The following MACROD2 variants were observed in gnomAD, a reference collection of about 807,000 sequenced individuals.
MACROD2 encodes ADP-ribose glycohydrolase MACROD2.
MACROD2 carries 36 observed loss-of-function variants against 70.4 expected under a neutral mutation model. The ratio of observed to expected loss-of-function variants is 0.51; its 90% CI spans 0.39 to 0.68. The LOEUF (loss-of-function observed/expected upper bound fraction) is 0.68. MACROD2 is among the 30% of genes least tolerant of loss of function. The pLI is 0.00. For missense variants in MACROD2, 496 were observed against 538.4 expected, an observed-to-expected ratio of 0.92 and a Z score of 0.78; for synonymous variants, 172 against 178.8, an observed-to-expected ratio of 0.96 and a Z score of 0.30.
chr20:15,230,684 G>A (rs749332889), intron 6 of MACROD2, among the ~76,000 whole-genome samples: 4 of 152,096 alleles, frequency 2.6e-5, no homozygotes, highest in African/African-American at 4.8e-5. Context: ...TTCAGAAAAT[G>A]TGGATCTAAT....
In MACROD2 at chr20:15,314,155, G is replaced by A. The variant is rs530283771; in HGVS notation, c.540+84094G>A. Among the ~76,000 whole-genome samples, 14 of 152,212 alleles carry A rather than the reference G, an allele frequency of 9.2e-5. No individual in the cohort carries two copies. The East Asian group carries it at 2.7e-3, about 29-fold the overall frequency. ...GTCAGCAAAAATGGTGGAAAAAGTA[G>A]TTTCAAGGGCCTGTTGCTTTTGGAA... On this transcript the variant is annotated intron_variant, in intron 6 of 17. Transcript: ENST00000684519.
At chr20:15,792,437 G>A (rs1246952537) in intron 8 of MACROD2, among the ~76,000 whole-genome samples, 4 of 151,988 alleles carry the variant, frequency 2.6e-5, no homozygotes, top group African/African-American at 7.2e-5. Flanking sequence ...GTGACAGGTC[G>A]AGACTAATTT....
intron 3 of MACROD2, among the ~76,000 whole-genome samples, chr20:14,420,018 A>G (rs748966995): frequency 4.3e-4 from 65 of 152,022 alleles, no homozygotes; most frequent in Non-Finnish European, 8.1e-4. Context: ...GTGTATATCT[A>G]CGATAATTTT....
At chr20:15,222,263 T>C (rs1029892977) in intron 5 of MACROD2, among the ~76,000 whole-genome samples, 1 of 152,200 alleles carries the variant, frequency 6.6e-6, no homozygotes, top group African/African-American at 2.4e-5. Context: ...CAATGATATC[T>C]TCGGCAGATT....
chr20:15,911,791 C>A (rs577385267), intron 10 of MACROD2, among the ~76,000 whole-genome samples: 1 of 152,114 alleles, frequency 6.6e-6, no homozygotes, highest in African/African-American at 2.4e-5. Flanking sequence ...AAGAATAGGG[C>A]GTACAGGAAG....
intron 6 of MACROD2, among the ~76,000 whole-genome samples, chr20:15,318,618 A>G (rs938334093): frequency 6.6e-6 from 1 of 152,176 alleles, no homozygotes; most frequent in Non-Finnish European, 1.5e-5. Flanking sequence ...AAAGGATTAT[A>G]CATTATAACT....
intron 3 of MACROD2, among the ~76,000 whole-genome samples, chr20:14,119,470 A>G (rs866350015): frequency 1.3e-5 from 2 of 151,958 alleles, no homozygotes; most frequent in Middle Eastern, 3.2e-3. Context: ...GCACCTGGCC[A>G]TGACTGGATT....
intron 3 of MACROD2, among the ~76,000 whole-genome samples, chr20:14,168,473 C>T (rs2081190410): frequency 6.6e-6 from 1 of 152,098 alleles, no homozygotes; most frequent in South Asian, 2.1e-4. Flanking sequence ...CATATTTCCC[C>T]TTACATACCC....
intron 8 of MACROD2, among the ~76,000 whole-genome samples, chr20:15,676,298 G>A (rs937431957): frequency 6.6e-6 from 1 of 152,194 alleles, no homozygotes; most frequent in Non-Finnish European, 1.5e-5. Flanking sequence ...AGTGATTTGA[G>A]TCATGCATTT....
chr20:14,921,772 A>G (rs529401109), intron 5 of MACROD2, among the ~76,000 whole-genome samples: 49 of 152,358 alleles, frequency 3.2e-4, no homozygotes, highest in African/African-American at 1.1e-3. Context: ...GAATGCCAAT[A>G]GGTCTAGCAG....
chr20:15,851,701 C>A (rs1013365047), intron 8 of MACROD2, among the ~76,000 whole-genome samples: 5 of 152,146 alleles, frequency 3.3e-5, no homozygotes, highest in African/African-American at 1.2e-4. Flanking sequence ...TTCCGAGCTG[C>A]ATCAAATTGA....
chr20:14,460,719 A>G (rs1194736307), intron 3 of MACROD2, among the ~76,000 whole-genome samples: 1 of 152,088 alleles, frequency 6.6e-6, no homozygotes, highest in Non-Finnish European at 1.5e-5. Context: ...GTAATGGATT[A>G]CGTTTATTGA....
At chr20:15,651,753 C>G (rs986845039) in intron 8 of MACROD2, among the ~76,000 whole-genome samples, 1 of 152,122 alleles carries the variant, frequency 6.6e-6, no homozygotes, top group African/African-American at 2.4e-5. Flanking sequence ...GTGCTCACCC[C>G]CATGTGGCCC....
At chr20:14,082,966 T>G (rs1475336601) in intron 2 of MACROD2, among the ~76,000 whole-genome samples, 1 of 152,152 alleles carries the variant, frequency 6.6e-6, no homozygotes, top group Non-Finnish European at 1.5e-5. Context: ...GTTGACAATT[T>G]GATAACAGCA....
At chr20:14,513,926 T>TA in intron 4 of MACROD2, among the ~76,000 whole-genome samples, 1 of 152,024 alleles carries the variant, frequency 6.6e-6, no homozygotes. Flanking sequence ...GAAACAAGAA[T>TA]AAAAAAACAC....
intron 5 of MACROD2, among the ~76,000 whole-genome samples, chr20:15,027,561 G>C (rs1405935410): frequency 6.7e-6 from 1 of 149,930 alleles, no homozygotes; most frequent in East Asian, 2.0e-4. Context: ...TGGTGGTGGG[G>C]GGAAATAATA....
chr20:14,151,886 A>C (rs1428201940), intron 3 of MACROD2, among the ~76,000 whole-genome samples: 2 of 133,848 alleles, frequency 1.5e-5, no homozygotes, highest in African/African-American at 2.9e-5. Flanking sequence ...CAGTGGCACA[A>C]TCTCGGCTCA....
chr20:14,616,697 T>C (rs79607450), intron 4 of MACROD2, among the ~76,000 whole-genome samples: 7,090 of 152,172 alleles, frequency 0.047, 566 homozygotes, highest in African/African-American at 0.16. Context: ...GACTTAATAT[T>C]GTTTTAATTT....
At chr20:16,001,523 A>C (rs370145568) in intron 15 of MACROD2, among the ~76,000 whole-genome samples, 8 of 152,220 alleles carry the variant, frequency 5.3e-5, no homozygotes, top group African/African-American at 1.9e-4. Context: ...CCATTGTTTG[A>C]ATTTACATTT....
Sources: allele counts gnomAD v4.1 joint callset (sites outside exome capture counted in the v4.1 genomes callset), GRCh38; gene constraint gnomAD v4.1.1; transcripts MANE v1.5; gene names NCBI Gene and HGNC (gene_info 2026-07-23, HGNC 2026-07-21).